The following AGAP1 variants were observed in gnomAD, a reference collection of about 807,000 sequenced individuals.
AGAP1 encodes the protein arf-GAP with GTPase, ANK repeat and PH domain-containing protein 1.
A neutral mutation model predicts 105.3 loss-of-function variants in AGAP1; 29 were observed. The ratio of observed to expected loss-of-function variants is 0.28; its 90% CI spans 0.21 to 0.38. AGAP1 has a LOEUF of 0.38. Among genes scored for constraint, AGAP1 ranks in the 10% least tolerant of loss-of-function variants. AGAP1 has a pLI of 1.00. For synonymous variants in AGAP1, 509 were observed against 485.9 expected (o/e 1.05, Z -0.63); for missense variants, 998 against 1,165.1 (o/e 0.86, Z 2.09).
intron 1 of AGAP1, among the ~76,000 whole-genome samples, chr2:235,565,861 G>T (rs569238570): frequency 6.2e-4 from 94 of 151,776 alleles, no homozygotes; most frequent in Non-Finnish European, 1.1e-3. Context: ...GTTTTACCAT[G>T]TTGCCCAGGC....
chr2:235,717,498 T>C, intron 2 of AGAP1, 59 bp from the exon 3 acceptor site: 2 of 1,467,630 alleles, frequency 1.4e-6, no homozygotes, highest in Non-Finnish European at 1.9e-6. Flanking sequence ...TCTTAGTATT[T>C]GCAAAATGCC....
At position 235,805,778 on chromosome 2, in the gene AGAP1, G is replaced by A. The variant is rs114114892; in HGVS notation, c.958-1461G>A. On this transcript the variant is annotated intron_variant, in intron 8 of 17. Coordinates refer to ENST00000304032, the MANE Select transcript of AGAP1 (RefSeq NM_001037131.3). ...TTCTAGCCCAAAGGGTTAACCTTACGTTTTATATTCTTCTGCAACTTCATA... is the reference window on the plus strand; with the variant it reads ...TTCTAGCCCAAAGGGTTAACCTTACATTTTATATTCTTCTGCAACTTCATA... Among the ~76,000 whole-genome samples the A allele has an allele frequency of 3.3e-3, 497 of 152,226 alleles. 8 individuals are homozygous for A. The highest frequency in any genetic ancestry group is 0.011 in the African/African-American group (476 of 41,534).
At chr2:235,920,805 A>G (rs1325478964) in intron 11 of AGAP1, among the ~76,000 whole-genome samples, 1 of 152,266 alleles carries the variant, frequency 6.6e-6, no homozygotes. Flanking sequence ...TTTTGCTAAA[A>G]AACTGTAGAG....
In AGAP1 at chr2:235,711,922, A is replaced by G. The variant is rs1256152014; in HGVS notation, c.222+2685A>G. 2.6e-5 allele frequency among the ~76,000 whole-genome samples: 4 copies of G among 152,320 alleles called. No homozygotes were observed. In the East Asian group the frequency reaches 7.7e-4, roughly 29 times the overall value. ...ATGGCAAGCCTCCAATAGGCCCTTT[A>G]TGTAACATTTTGCAATAAATCTTTT... is the stretch of plus-strand genomic sequence containing the variant. On this transcript the variant is annotated intron_variant, in intron 2 of 17. Transcript: ENST00000304032.
At chr2:235,632,729 A>G (rs1400623890) in intron 1 of AGAP1, among the ~76,000 whole-genome samples, 4 of 152,242 alleles carry the variant, frequency 2.6e-5, no homozygotes, top group East Asian at 3.9e-4. Flanking sequence ...CGTGTTTCCC[A>G]TGCTAAACAG....
intron 16 of AGAP1, among the ~76,000 whole-genome samples, chr2:236,106,114 G>T (rs2059484078): frequency 1.3e-5 from 2 of 152,312 alleles, no homozygotes; most frequent in African/African-American, 4.8e-5. Flanking sequence ...GCTGCCCTTG[G>T]CTGGCTGGCT....
At chr2:236,016,056 C>G (rs984066577) in intron 13 of AGAP1, among the ~76,000 whole-genome samples, 11 of 121,038 alleles carry the variant, frequency 9.1e-5, no homozygotes, top group African/African-American at 3.8e-4. Flanking sequence ...AAAAAGAAAT[C>G]TGGAAAACAA....
intron 1 of AGAP1, among the ~76,000 whole-genome samples, chr2:235,568,239 G>A (rs1026769662): frequency 6.6e-6 from 1 of 152,188 alleles, no homozygotes; most frequent in African/African-American, 2.4e-5. Flanking sequence ...GTGATGCCCC[G>A]CCAGCTAACT....
Position 236,001,958 on chromosome 2 carries a change from A to T in AGAP1, c.1645+33335A>T, listed in dbSNP as rs1018816319. On this transcript the variant is annotated intron_variant, in intron 13 of 17. Coordinates refer to ENST00000304032, the MANE Select transcript of AGAP1 (RefSeq NM_001037131.3). This position sits in a 1 kb window ranked among gnomAD's most constrained non-coding sequence, Gnocchi z 4.7. ...AAGCGCTCACGCTTTGTTCCTGTGGACATCTCTGCCTGATTGGAAGCTTGC... is the reference window on the plus strand; with the variant it reads ...AAGCGCTCACGCTTTGTTCCTGTGGTCATCTCTGCCTGATTGGAAGCTTGC... Among the ~76,000 whole-genome samples, 1 of 152,172 alleles carries T rather than the reference A, an allele frequency of 6.6e-6. No individual in the cohort carries two copies. Among genetic ancestry groups the T allele is most frequent in the Non-Finnish European group, 1.5e-5 (1 of 68,040 alleles).
At chr2:235,666,986 A>C (rs184106948) in intron 1 of AGAP1, among the ~76,000 whole-genome samples, 1 of 152,064 alleles carries the variant, frequency 6.6e-6, no homozygotes, top group East Asian at 1.9e-4. Context: ...AGAGATCTCT[A>C]TCTTTCCACG....
At chr2:235,894,687 A>C (rs765523255) in intron 10 of AGAP1, among the ~76,000 whole-genome samples, 22 of 152,098 alleles carry the variant, frequency 1.4e-4, no homozygotes, top group Non-Finnish European at 2.9e-4. Flanking sequence ...GTAGATTGTG[A>C]AGTAAAGGCA....
At chr2:235,534,144 C>T (rs879426749) in intron 1 of AGAP1, among the ~76,000 whole-genome samples, 5 of 152,202 alleles carry the variant, frequency 3.3e-5, no homozygotes, top group Non-Finnish European at 7.3e-5. Flanking sequence ...TGAGAAGCAG[C>T]GTGGCGTGTT....
At chr2:235,770,133 C>CTTTTTTTTTTTTTTTTTTTTTT (rs57008190) in intron 6 of AGAP1, among the ~76,000 whole-genome samples, 17 of 136,650 alleles carry the variant, frequency 1.2e-4, no homozygotes, top group Admixed American at 2.4e-4. Context: ...TTCTTTGTTT[C>CTTTTTTTTTTTTTTTTTTTTTT]TTTTTTTTTT....
At chr2:235,647,922 A>C (rs779183978) in intron 1 of AGAP1, among the ~76,000 whole-genome samples, 2 of 152,028 alleles carry the variant, frequency 1.3e-5, no homozygotes, top group Non-Finnish European at 2.9e-5. Context: ...TGGCCAGGTG[A>C]GAGCAGATTG....
chr2:235,650,434 G>C (rs1239741227), intron 1 of AGAP1, among the ~76,000 whole-genome samples: 1 of 152,022 alleles, frequency 6.6e-6, no homozygotes, highest in African/African-American at 2.4e-5. Context: ...CACCCACCTA[G>C]ACATCCATGT....
intron 1 of AGAP1, among the ~76,000 whole-genome samples, chr2:235,648,147 G>A (rs1336861173): frequency 1.3e-5 from 2 of 152,170 alleles, no homozygotes; most frequent in East Asian, 1.9e-4. Flanking sequence ...TGTCCATCCC[G>A]TGTGTGCCAT....
chr2:235,714,179 A>T lies in AGAP1; in HGVS notation c.223-3378A>T, dbSNP rs1950981825. Among the ~76,000 whole-genome samples the T allele has an allele frequency of 6.6e-6, 1 of 151,804 alleles. No homozygotes were observed. Among genetic ancestry groups the T allele is most frequent in the Non-Finnish European group, 1.5e-5 (1 of 67,958 alleles). ...CAGGCATGCACCACCACAGCTGGCT[A>T]ATTTTTATATTTTTTTAGTTGAGAC... On this transcript the variant is annotated intron_variant, in intron 2 of 17. Coordinates refer to ENST00000304032, the MANE Select transcript of AGAP1 (RefSeq NM_001037131.3). The surrounding 1 kb of genome is among the most constrained non-coding windows in gnomAD (Gnocchi z 4.1).
Position 235,635,881 on chromosome 2 carries a change from GAGGC to G in AGAP1, c.164-73294_164-73291del, listed in dbSNP as rs1946981849. Reference sequence around the variant, plus strand: ...TGTAATCCCAGCACTTTGGGAGGCTGAGGCAGGTGGATCTTGAGGTCAGGAGTTC... The same window carrying G: ...TGTAATCCCAGCACTTTGGGAGGCTGAGGTGGATCTTGAGGTCAGGAGTTC... On this transcript the variant is annotated intron_variant, in intron 1 of 17. Transcript: ENST00000304032. The surrounding 1 kb of genome is among the most constrained non-coding windows in gnomAD (Gnocchi z 5.3). Among the ~76,000 whole-genome samples, 4 of 152,224 alleles carry G rather than the reference GAGGC, an allele frequency of 2.6e-5. No homozygotes were observed. The South Asian group carries it at 8.3e-4, about 32-fold the overall frequency.
At chr2:236,099,877 T>A (rs922343108) in intron 16 of AGAP1, among the ~76,000 whole-genome samples, 1 of 151,924 alleles carries the variant, frequency 6.6e-6, no homozygotes, top group African/African-American at 2.4e-5. Context: ...CCGTCTCTAC[T>A]AAAAATACAA....
Sources: gnomAD v4.1 joint callset for allele counts (sites outside exome capture counted in the v4.1 genomes callset) on GRCh38, gnomAD v4.1.1 for gene constraint, Gnocchi (gnomAD v3.1) non-coding constraint, MANE v1.5 for transcripts, NCBI Gene and HGNC (gene_info 2026-07-23, HGNC 2026-07-21) for gene names.